TAF4: variants seen among roughly 807,000 people sequenced by gnomAD.
TAF4 encodes TATA-box binding protein associated factor 4.
A neutral mutation model predicts 90.3 loss-of-function variants in TAF4; 9 were observed. The ratio of observed to expected loss-of-function variants is 0.10; its 90% CI spans 0.06 to 0.17. The LOEUF (loss-of-function observed/expected upper bound fraction) is 0.17. TAF4 is among the 10% of genes least tolerant of loss of function. The pLI is 1.00. For missense variants in TAF4, 1,351 were observed against 1,370.7 expected, an observed-to-expected ratio of 0.99 and a Z score of 0.23; for synonymous variants, 818 against 638.9, an observed-to-expected ratio of 1.28 and a Z score of -4.23.
At chr20:62,057,059 A>T (rs992205892) in intron 1 of TAF4, among the ~76,000 whole-genome samples, 2 of 152,086 alleles carry the variant, frequency 1.3e-5, no homozygotes, top group Non-Finnish European at 2.9e-5. Flanking sequence ...CGCAGAAGAC[A>T]CAGAACTTCC....
At chr20:62,060,897 T>C (rs2145524440) in intron 1 of TAF4, among the ~76,000 whole-genome samples, 1 of 152,290 alleles carries the variant, frequency 6.6e-6, no homozygotes, top group South Asian at 2.1e-4. Flanking sequence ...TGGATTAATG[T>C]GTGAAAATCA....
At chr20:61,978,739 G>A (rs979934499) in intron 14 of TAF4, among the ~76,000 whole-genome samples, 1 of 152,330 alleles carries the variant, frequency 6.6e-6, no homozygotes, top group East Asian at 1.9e-4. Flanking sequence ...AAGGCCAGAC[G>A]GTGCCTCCTT....
At position 62,006,577 on chromosome 20, in the gene TAF4, G is replaced by T. The variant is rs1405461275; in HGVS notation, c.2156C>A (p.Pro719His). Residue 719 changes from proline (P) to histidine (H), a missense_variant, in exon 7 of 15, where the codon CCC (proline) becomes CAC (histidine). Pro to His is a moderately conservative substitution (Grantham distance 77). Around this residue, in one of 9 missense-constraint regions of TAF4, gnomAD observed 202 missense variants for 229.7 expected, o/e 0.88. Coordinates refer to ENST00000252996, the MANE Select transcript of TAF4 (RefSeq NM_003185.4). This position sits in a 1 kb window ranked among gnomAD's most constrained non-coding sequence, Gnocchi z 7.0. ...GGGCTGCGTGAGGCTGAGCACAGGG[G>T]GCTGGAGGGCACTGGTCACGGTGGC... ...TAATVTSALQ[P>H]PVLSLTQPTQ... 4.4e-6 allele frequency: 7 copies of T among 1,596,770 alleles called. No homozygotes were observed. The highest frequency in any genetic ancestry group is 2.6e-6 in the Non-Finnish European group (3 of 1,174,196).
chr20:62,020,618 TG>T (rs1428743593), intron 1 of TAF4, among the ~76,000 whole-genome samples: 1 of 152,174 alleles, frequency 6.6e-6, no homozygotes, highest in Non-Finnish European at 1.5e-5. Flanking sequence ...CTCCACCAGA[TG>T]GGCAAACAGC....
intron 1 of TAF4, chr20:62,064,171 G>C: frequency 2.7e-6 from 1 of 365,248 alleles, no homozygotes; most frequent in Non-Finnish European, 4.9e-6. Context: ...TAAGAGTCCT[G>C]GCTGAGCCAC....
intron 14 of TAF4, among the ~76,000 whole-genome samples, chr20:61,987,067 A>G (rs929003668): frequency 2.0e-5 from 3 of 152,170 alleles, no homozygotes; most frequent in African/African-American, 7.2e-5. Flanking sequence ...ACCTTAACCA[A>G]GCTTCAAAGT....
At chr20:62,029,027 T>C (rs565968241) in intron 1 of TAF4, among the ~76,000 whole-genome samples, 2 of 152,056 alleles carry the variant, frequency 1.3e-5, no homozygotes, top group African/African-American at 4.8e-5. Flanking sequence ...AAAACCCGTC[T>C]CCACTAAAAA....
At chr20:62,040,466 G>A (rs2055957359) in intron 1 of TAF4, among the ~76,000 whole-genome samples, 1 of 152,266 alleles carries the variant, frequency 6.6e-6, no homozygotes. Context: ...GGAGGAAGCT[G>A]GAGCAGGGGC....
intron 14 of TAF4, among the ~76,000 whole-genome samples, chr20:61,995,033 T>C (rs2123116537): frequency 6.6e-6 from 1 of 152,296 alleles, no homozygotes; most frequent in East Asian, 1.9e-4. Context: ...ACCTTGAGGT[T>C]TCCCCAGATC....
intron 1 of TAF4, among the ~76,000 whole-genome samples, chr20:62,019,721 AGT>A (rs2055831796): frequency 1.3e-5 from 2 of 152,230 alleles, no homozygotes; most frequent in African/African-American, 4.8e-5. Context: ...CGATTCCCAC[AGT>A]GTGAGTGAAT....
At chr20:61,993,232 G>A (rs530700868) in intron 14 of TAF4, among the ~76,000 whole-genome samples, 4 of 152,298 alleles carry the variant, frequency 2.6e-5, no homozygotes, top group Admixed American at 6.5e-5. Flanking sequence ...ACCAGCCACC[G>A]TCCCCGGGGC....
At chr20:62,040,862 C>T (rs1307084347) in intron 1 of TAF4, among the ~76,000 whole-genome samples, 1 of 152,220 alleles carries the variant, frequency 6.6e-6, no homozygotes, top group Non-Finnish European at 1.5e-5. Flanking sequence ...GACGTCTACA[C>T]GTATGTTCGC....
chr20:62,018,963 C>A (rs1437304236), intron 1 of TAF4, among the ~76,000 whole-genome samples: 2 of 152,110 alleles, frequency 1.3e-5, no homozygotes, highest in African/African-American at 2.4e-5. Context: ...CCGCCGCCTC[C>A]CCCGCAACCT....
chr20:62,053,065 G>A lies in TAF4; in HGVS notation c.1360+11386C>T, dbSNP rs573555818. On this transcript the variant is annotated intron_variant, in intron 1 of 14. Coordinates refer to ENST00000252996, the MANE Select transcript of TAF4 (RefSeq NM_003185.4). ...TCCCACACAGGAACTCTGGTGGCACGCCCACAACCTCCAAGGCACTGAGGA... is the reference window on the plus strand; with the variant it reads ...TCCCACACAGGAACTCTGGTGGCACACCCACAACCTCCAAGGCACTGAGGA... Among the ~76,000 whole-genome samples the A allele has an allele frequency of 7.2e-5, 11 of 152,176 alleles. No individual in the cohort carries two copies. The South Asian group carries it at 8.3e-4, about 11-fold the overall frequency.
At chr20:62,008,722 G>C (rs535934741) in intron 5 of TAF4, 2 of 210,094 alleles carry the variant, frequency 9.5e-6, no homozygotes, top group South Asian at 2.9e-4. Context: ...GGCCAGAAGG[G>C]AGTTGCTGGA....
At position 62,010,720 on chromosome 20, in the gene TAF4, G is replaced by C. The variant is rs1420985608; in HGVS notation, c.1642-555C>G. Among the ~76,000 whole-genome samples, 1 of 152,142 alleles carries C rather than the reference G, an allele frequency of 6.6e-6. No homozygotes were observed. The highest frequency in any genetic ancestry group is 2.4e-5 in the African/African-American group (1 of 41,448). On this transcript the variant is annotated intron_variant, in intron 3 of 14. Coordinates refer to ENST00000252996, the MANE Select transcript of TAF4 (RefSeq NM_003185.4). This position sits in a 1 kb window ranked among gnomAD's most constrained non-coding sequence, Gnocchi z 4.5. The stretch of plus-strand genomic sequence containing the variant: ...GTGTCAACAAGAAGCCTCCCACAGA[G>C]GGGAGTTTTCAGAGCAGATTCGAGC...
At chr20:62,061,830 A>G (rs942398421) in intron 1 of TAF4, among the ~76,000 whole-genome samples, 4 of 152,254 alleles carry the variant, frequency 2.6e-5, no homozygotes, top group African/African-American at 7.2e-5. Flanking sequence ...TTACAATTAC[A>G]TTAACATAAC....
At chr20:62,061,632 CCT>C (rs1399727664) in intron 1 of TAF4, among the ~76,000 whole-genome samples, 1 of 152,236 alleles carries the variant, frequency 6.6e-6, no homozygotes, top group Non-Finnish European at 1.5e-5. Context: ...TGTCAAATCA[CCT>C]TTTTCTTCTT....
chr20:61,992,060 C>T (rs2055635036), intron 14 of TAF4, among the ~76,000 whole-genome samples: 1 of 152,202 alleles, frequency 6.6e-6, no homozygotes. Context: ...CAGGTGGGAA[C>T]TTGGGAGTGG....
Sources: gnomAD v4.1 joint callset for allele counts (sites outside exome capture counted in the v4.1 genomes callset) on GRCh38, gnomAD v4.1.1 for gene constraint, gnomAD v4.1.1 regional missense constraint, Gnocchi (gnomAD v3.1) non-coding constraint, MANE v1.5 for transcripts, NCBI Gene and HGNC (gene_info 2026-07-23, HGNC 2026-07-21) for gene names.